Variants in PLA2R1 observed in about 807,000 individuals in gnomAD.
PLA2R1 encodes secretory phospholipase A2 receptor.
PLA2R1 carries 158 observed loss-of-function variants against 195.9 expected under a neutral mutation model. The observed-to-expected ratio is 0.81, with a 90% CI of 0.71 to 0.92. PLA2R1 has a LOEUF of 0.92. Ranked by LOEUF, PLA2R1 falls within the 40% of genes least tolerant of loss-of-function variation. PLA2R1 has a pLI of 0.00. For synonymous variants in PLA2R1, 586 were observed against 598.2 expected (o/e 0.98, Z 0.30); for missense variants, 1,626 against 1,764.6 (o/e 0.92, Z 1.41).
chr2:160,008,492 C>G (rs1447338912), intron 10 of PLA2R1, among the ~76,000 whole-genome samples: 2 of 152,182 alleles, frequency 1.3e-5, no homozygotes, highest in East Asian at 3.8e-4. Flanking sequence ...ACTAGACAAC[C>G]ACTTGCAACA....
At chr2:159,967,517 A>C in intron 20 of PLA2R1, 22 bp downstream of exon 20, 1 of 1,605,450 alleles carries the variant, frequency 6.2e-7, no homozygotes, top group Non-Finnish European at 8.5e-7. Context: ...AAACAAAGGC[A>C]ACTTTTGAAA....
Position 160,013,378 on chromosome 2 carries a change from T to C in PLA2R1, c.1552-3A>G, listed in dbSNP as rs745345182. The C allele has an allele frequency of 5.9e-6, 9 of 1,520,370 alleles. No homozygotes were observed. Among genetic ancestry groups the C allele is most frequent in the Non-Finnish European group, 7.3e-6 (8 of 1,097,582 alleles). The allele number at this position is 1,520,370 out of a possible 1,614,324, so 94.2% of individuals were successfully genotyped here. On this transcript the variant is annotated splice_region_variant and splice_polypyrimidine_tract_variant and intron_variant, in intron 9 of 29. Transcript: ENST00000283243. Reference sequence around the variant, plus strand: ...AATCCACCATGTCTCTCCCATCCCTTAAAAAGAATAAAAGGGAAATTAAGG... The same window carrying C: ...AATCCACCATGTCTCTCCCATCCCTCAAAAAGAATAAAAGGGAAATTAAGG...
Position 160,033,085 on chromosome 2 carries a change from A to C in PLA2R1, c.715T>G (p.Ser239Ala), listed in dbSNP as rs1425858681. ...CDTIWEKDLN[S>A]HICYQFNLLS... ...AGGTTGAACTGGTAGCAAATGTGTG[A>C]ATTGAGGTCCTTCTCCCAAATAGTA... The change falls in exon 4 of 30, where the codon TCA (serine) becomes GCA (alanine). Residue 239 changes from serine to alanine, a missense_variant. Transcript: ENST00000283243. 1 of 1,613,356 alleles carries C rather than the reference A, an allele frequency of 6.2e-7. No individual in the cohort carries two copies. The highest frequency in any genetic ancestry group is 8.5e-7 in the Non-Finnish European group (1 of 1,179,688).
chr2:160,004,257 C>G (rs550435195), intron 11 of PLA2R1, among the ~76,000 whole-genome samples: 1 of 152,342 alleles, frequency 6.6e-6, no homozygotes, highest in Admixed American at 6.5e-5. Context: ...GGACACCAGA[C>G]ATAAATTAGA....
chr2:160,022,204 T>C (rs910326852), intron 7 of PLA2R1, among the ~76,000 whole-genome samples: 1 of 152,202 alleles, frequency 6.6e-6, no homozygotes, highest in Non-Finnish European at 1.5e-5. Flanking sequence ...GCCAGGAGCC[T>C]AAAATTCCTA....
chr2:160,032,855 AT>A (rs1693941975), intron 4 of PLA2R1, 103 bp downstream of exon 4: 2 of 977,466 alleles, frequency 2.0e-6, no homozygotes, highest in Non-Finnish European at 3.1e-6. Context: ...AAAGAAAAAT[AT>A]TTTTTAAGAA....
At chr2:160,002,059 A>T (rs1691635403) in intron 11 of PLA2R1, among the ~76,000 whole-genome samples, 1 of 151,960 alleles carries the variant, frequency 6.6e-6, no homozygotes, top group South Asian at 2.1e-4. Flanking sequence ...ATGCAAGGCC[A>T]TAATACCAAC....
intron 27 of PLA2R1, chr2:159,945,865 G>T (rs1687355084): frequency 3.3e-6 from 3 of 904,212 alleles, no homozygotes; most frequent in South Asian, 5.1e-5. Flanking sequence ...GGTCATTTAG[G>T]TTATCATGTT....
At chr2:159,960,759 G>C (rs1399811868) in intron 20 of PLA2R1, among the ~76,000 whole-genome samples, 1 of 152,170 alleles carries the variant, frequency 6.6e-6, no homozygotes, top group Non-Finnish European at 1.5e-5. Flanking sequence ...CTATTTATGA[G>C]ACATTAGAAA....
In PLA2R1 at chr2:159,937,987, T is replaced by C. The variant is rs1411193727; in HGVS notation, c.*3791A>G. The C allele has an allele frequency of 6.6e-6, 1 of 152,192 alleles. No individual in the cohort carries two copies. The highest frequency in any genetic ancestry group is 6.5e-5 in the Admixed American group (1 of 15,278). The allele number at this position is 152,192 out of a possible 1,614,324, so 9.4% of individuals were successfully genotyped here. A position where few individuals can be genotyped will look rare whatever the true frequency, so the allele number is the denominator to read the frequency against. ...TTCTTTTTCTTTTTCTTTTTAAAGG[T>C]AGAGAAAGGCATTTGTGTAAAGAGA... On this transcript the variant is annotated 3_prime_UTR_variant, in exon 30 of 30. Coordinates refer to ENST00000283243, the MANE Select transcript of PLA2R1 (RefSeq NM_007366.5).
At chr2:159,958,467 T>C (rs1267009888) in intron 20 of PLA2R1, among the ~76,000 whole-genome samples, 3 of 152,132 alleles carry the variant, frequency 2.0e-5, no homozygotes, top group Non-Finnish European at 4.4e-5. Flanking sequence ...ACTGGTCTAA[T>C]ACAATATCTT....
chr2:159,939,879 C>T lies in PLA2R1; in HGVS notation c.*1899G>A, dbSNP rs1387299957. On this transcript the variant is annotated 3_prime_UTR_variant, in exon 30 of 30. Coordinates refer to ENST00000283243, the MANE Select transcript of PLA2R1 (RefSeq NM_007366.5). ...TTTTATACCATCTGGTGAGTTCAAG[C>T]CAATTATTTTTTGAGTCATAAATAT... 6.6e-6 allele frequency: 1 copy of T among 152,106 alleles called. No homozygotes were observed. The highest frequency in any genetic ancestry group is 1.5e-5 in the Non-Finnish European group (1 of 68,020). The allele number at this position is 152,106 out of a possible 1,614,324, so 9.4% of individuals were successfully genotyped here. A position where few individuals can be genotyped will look rare whatever the true frequency, so the allele number is the denominator to read the frequency against.
chr2:159,949,759 G>A lies in PLA2R1; in HGVS notation c.3558C>T (p.Asp1186=). Residue 1186 remains aspartate (D), a synonymous_variant, in exon 25 of 30, where the codon GAC becomes GAT. Coordinates refer to ENST00000283243, the MANE Select transcript of PLA2R1 (RefSeq NM_007366.5). ...AAGAAGATTTGGTGCCATCAGACCA[G>A]TCAAAATTAAGACCATTCTGTGGAG... The part of the protein sequence containing the change: ...LFTTDNGLNF[D]WSDGTKSSFT... 6.2e-7 allele frequency: 1 copy of A among 1,613,698 alleles called. No individual in the cohort carries two copies. The highest frequency in any genetic ancestry group is 1.3e-5 in the African/African-American group (1 of 75,018).
chr2:159,929,262 G>C (rs1686539243), downstream of PLA2R1, among the ~76,000 whole-genome samples: 1 of 152,042 alleles, frequency 6.6e-6, no homozygotes, highest in Non-Finnish European at 1.5e-5. Context: ...ATCTGACAAA[G>C]GACTAACATC....
intron 24 of PLA2R1, among the ~76,000 whole-genome samples, chr2:159,950,883 C>A (rs1490820192): frequency 6.6e-6 from 1 of 152,120 alleles, no homozygotes. Flanking sequence ...TAAACCACAT[C>A]CCTAGAGGAA....
chr2:160,001,160 A>G (rs558891565), intron 11 of PLA2R1, among the ~76,000 whole-genome samples: 72 of 152,300 alleles, frequency 4.7e-4, no homozygotes, highest in Non-Finnish European at 8.8e-4. Context: ...AATCATGGCT[A>G]ACAGAAATGA....
chr2:160,060,594 T>A (rs1454403919), intron 1 of PLA2R1, among the ~76,000 whole-genome samples: 1 of 152,260 alleles, frequency 6.6e-6, no homozygotes, highest in Admixed American at 6.5e-5. Context: ...CCTTTTCAGA[T>A]GTGCAAATTG....
At chr2:160,036,951 T>G (rs1694202965) in intron 3 of PLA2R1, among the ~76,000 whole-genome samples, 2 of 152,288 alleles carry the variant, frequency 1.3e-5, no homozygotes, top group African/African-American at 4.8e-5. Flanking sequence ...TTGTAGTGAG[T>G]GATCAACAGC....
chr2:159,966,098 T>A (rs1055863117), intron 20 of PLA2R1, among the ~76,000 whole-genome samples: 2 of 152,174 alleles, frequency 1.3e-5, no homozygotes, highest in South Asian at 4.1e-4. Flanking sequence ...TTCAGTGATA[T>A]AAGAAATAAA....
Sources: gnomAD v4.1 joint callset for allele counts (sites outside exome capture counted in the v4.1 genomes callset) on GRCh38, gnomAD v4.1.1 for gene constraint, MANE v1.5 for transcripts, NCBI Gene and HGNC (gene_info 2026-07-23, HGNC 2026-07-21) for gene names.